CNGA3: variants seen among roughly 807,000 people sequenced by gnomAD.
CNGA3 encodes cyclic nucleotide-gated channel alpha-3.
CNGA3 carries 42 observed loss-of-function variants against 46.6 expected under a neutral mutation model. The ratio of observed to expected loss-of-function variants is 0.90; its 90% confidence interval spans 0.70 to 1.17. The LOEUF is 1.17. Among genes scored for constraint, CNGA3 ranks in the 50% most tolerant of loss-of-function variants. The probability of loss-of-function intolerance (pLI) is 0.00; values close to 1 mark genes in which losing one functional copy is unlikely to be tolerated. For missense variants in CNGA3, 893 were observed against 890.7 expected (o/e 1.00, Z -0.03); for synonymous variants, 394 against 369.4 (o/e 1.07, Z -0.76).
Position 98,391,940 on chromosome 2 carries a change from G to A in CNGA3, c.643G>A (p.Val215Ile). Residue 215 changes from valine to isoleucine, a missense_variant, in exon 7 of 8, where the codon GTC (valine) becomes ATC (isoleucine). Val to Ile is a conservative substitution (Grantham distance 29, BLOSUM62 3). Around this residue, in one of 3 missense-constraint regions of CNGA3, gnomAD observed 333 missense variants for 290.8 expected, o/e 1.15. Transcript: ENST00000272602. ...GGACTACTCGGCAGATGTCCTGTAT[G>A]TCTTGGATGTGCTTGTACGAGCTCG... The part of the protein sequence containing the change: ...VLDYSADVLY[V>I]LDVLVRARTG... The A allele has an allele frequency of 1.2e-6, 2 of 1,614,128 alleles. No individual in the cohort carries two copies. Among genetic ancestry groups the A allele is most frequent in the Non-Finnish European group, 1.7e-6 (2 of 1,180,006 alleles).
At chr2:98,353,193 A>T (rs2106071604) in intron 1 of CNGA3, among the ~76,000 whole-genome samples, 1 of 152,350 alleles carries the variant, frequency 6.6e-6, no homozygotes, top group South Asian at 2.1e-4. Flanking sequence ...ATAGAAGTGG[A>T]CGTGTACAGT....
chr2:98,393,661 G>C (rs890415137), intron 7 of CNGA3, among the ~76,000 whole-genome samples: 1 of 152,108 alleles, frequency 6.6e-6, no homozygotes, highest in African/African-American at 2.4e-5. Flanking sequence ...ATGGTCCCTG[G>C]TCTCAGCCCA....
At chr2:98,357,226 T>C (rs1007433661) in intron 1 of CNGA3, among the ~76,000 whole-genome samples, 2 of 152,226 alleles carry the variant, frequency 1.3e-5, no homozygotes, top group African/African-American at 4.8e-5. Flanking sequence ...CTGCGTTAAA[T>C]GCCTGACTAC....
At chr2:98,368,469 G>C (rs1692212563) in intron 1 of CNGA3, among the ~76,000 whole-genome samples, 1 of 152,206 alleles carries the variant, frequency 6.6e-6, no homozygotes, top group Non-Finnish European at 1.5e-5. Context: ...AAAAATCATG[G>C]AACTGGCCAA....
At chr2:98,351,440 G>T (rs942788143) in intron 1 of CNGA3, among the ~76,000 whole-genome samples, 1 of 152,112 alleles carries the variant, frequency 6.6e-6, no homozygotes, top group African/African-American at 2.4e-5. Flanking sequence ...CCCTGCACAA[G>T]CTCTCTCTCT....
chr2:98,388,004 T>C (rs1042893148), intron 5 of CNGA3, among the ~76,000 whole-genome samples: 2 of 152,196 alleles, frequency 1.3e-5, no homozygotes, highest in African/African-American at 4.8e-5. Flanking sequence ...AGATCAGAAA[T>C]TGTAGAACAT....
Position 98,397,344 on chromosome 2 carries a change from G to T in CNGA3, c.*89G>T. 1 of 1,333,254 alleles carries T rather than the reference G, an allele frequency of 7.5e-7. No individual in the cohort carries two copies. The highest frequency in any genetic ancestry group is 1.2e-5 in the South Asian group (1 of 80,726). 82.6% of individuals were successfully genotyped at this position (1,333,254 alleles called of 1,614,324 possible). On this transcript the variant is annotated 3_prime_UTR_variant, in exon 8 of 8. Coordinates refer to ENST00000272602, the MANE Select transcript of CNGA3 (RefSeq NM_001298.3). Reference sequence around the variant, plus strand: ...CTGTGTGGCATGGAACTTGGTCAGGGTTGAATTCCAGCTCTACTCACCCTT... The same window carrying T: ...CTGTGTGGCATGGAACTTGGTCAGGTTTGAATTCCAGCTCTACTCACCCTT...
rs149441799 is a variant in CNGA3, at chr2:98,379,537, C to T, written c.216-638C>T. On this transcript the variant is annotated intron_variant, in intron 3 of 7. Transcript: ENST00000272602. ...CTGTGGTCGCAGGTGTTGGAGCTCA[C>T]GGCAAGCTCCAGGCAGGGCCGGGCT... 3.4e-3 allele frequency among the ~76,000 whole-genome samples: 520 copies of T among 152,264 alleles called. 3 individuals carry two copies. Among genetic ancestry groups the T allele is most frequent in the African/African-American group, 0.012 (482 of 41,556 alleles).
chr2:98,380,920 G>A (rs1482362456), intron 4 of CNGA3, among the ~76,000 whole-genome samples: 2 of 152,206 alleles, frequency 1.3e-5, no homozygotes, highest in Non-Finnish European at 2.9e-5. Context: ...GGGGACAATG[G>A]TGAGAGTAGA....
At position 98,380,191 on chromosome 2, in the gene CNGA3, T is replaced by C; in HGVS notation, c.232T>C (p.Phe78Leu). 6.2e-7 allele frequency: 1 copy of C among 1,614,234 alleles called. No individual in the cohort carries two copies. ...QGIARLSRLI[F>L]LLRRWAARHV... ...ACCTTCCAGGCTGTCGCGCCTCATC[T>C]TCTTGCTGCGCAGGTGGGCTGCCAG... The change falls in exon 4 of 8, where the codon TTC becomes CTC. Residue 78 changes from phenylalanine (F) to leucine (L), a missense_variant. By Grantham distance (22) the Phe-to-Leu change is conservative. Transcript: ENST00000272602.
chr2:98,367,176 C>CCTTTTTT (rs1369254057), intron 1 of CNGA3, among the ~76,000 whole-genome samples: 216 of 115,408 alleles, frequency 1.9e-3, no homozygotes, highest in Non-Finnish European at 3.0e-3. Context: ...TGTTTTTTTT[C>CCTTTTTT]TTTTTTTTCT....
At chr2:98,353,728 G>A (rs528899878) in intron 1 of CNGA3, among the ~76,000 whole-genome samples, 2 of 152,192 alleles carry the variant, frequency 1.3e-5, no homozygotes, top group Non-Finnish European at 2.9e-5. Flanking sequence ...ATAAAGAAAA[G>A]AGGTTTACTC....
At chr2:98,386,504 C>T (rs1299920542) in intron 5 of CNGA3, among the ~76,000 whole-genome samples, 2 of 152,234 alleles carry the variant, frequency 1.3e-5, no homozygotes, top group African/African-American at 4.8e-5. Flanking sequence ...TGACTTTGCT[C>T]CTCATCTGCC....
chr2:98,384,135 C>A (rs1468631841), intron 5 of CNGA3, among the ~76,000 whole-genome samples: 1 of 152,070 alleles, frequency 6.6e-6, no homozygotes, highest in African/African-American at 2.4e-5. Context: ...GTGATCCACC[C>A]GCCTCGGCCT....
At chr2:98,352,089 T>C (rs1405042414) in intron 1 of CNGA3, among the ~76,000 whole-genome samples, 4 of 152,220 alleles carry the variant, frequency 2.6e-5, no homozygotes, top group African/African-American at 9.7e-5. Context: ...TTCTGGACAT[T>C]TCATGTACAT....
At chr2:98,360,317 T>C (rs535792727) in intron 1 of CNGA3, among the ~76,000 whole-genome samples, 11 of 152,304 alleles carry the variant, frequency 7.2e-5, no homozygotes, top group Admixed American at 7.2e-4. Context: ...ACTGCCTCCA[T>C]GCAATGGCAG....
intron 1 of CNGA3, among the ~76,000 whole-genome samples, chr2:98,357,475 G>A (rs937727): frequency 0.22 from 34,093 of 152,144 alleles, 4,334 homozygotes; most frequent in Admixed American, 0.37. Context: ...TGCACCCATC[G>A]TGCCTCTACC....
intron 7 of CNGA3, among the ~76,000 whole-genome samples, chr2:98,393,230 C>CA (rs145382807): frequency 1.1e-3 from 161 of 140,552 alleles, no homozygotes; most frequent in Non-Finnish European, 1.4e-3. Flanking sequence ...GACCTTGTCT[C>CA]AAAAAAAAAA....
At chr2:98,378,358 C>A in intron 3 of CNGA3, 1 of 944,536 alleles carries the variant, frequency 1.1e-6, no homozygotes. Flanking sequence ...CAAATCTCAT[C>A]TAGAAATGCA....
Sources: gnomAD v4.1 joint callset for allele counts (sites outside exome capture counted in the v4.1 genomes callset) on GRCh38, gnomAD v4.1.1 for gene constraint, gnomAD v4.1.1 regional missense constraint, MANE v1.5 for transcripts, NCBI Gene and HGNC (gene_info 2026-07-23, HGNC 2026-07-21) for gene names.